Variants in TMEM132D observed in about 807,000 individuals in gnomAD.
TMEM132D encodes the protein transmembrane protein 132D, also known as mature OL transmembrane protein.
Under a neutral mutation model 62.3 loss-of-function variants are expected in TMEM132D, and 21 were observed. That is an observed-to-expected ratio of 0.34 (90% CI 0.24 to 0.49). The LOEUF (loss-of-function observed/expected upper bound fraction) is 0.49. Among genes scored for constraint, TMEM132D ranks in the 20% least tolerant of loss-of-function variants. The pLI, the probability that TMEM132D is intolerant of heterozygous loss-of-function variation, is 0.99. For missense variants in TMEM132D, 1,346 were observed against 1,402.8 expected (o/e 0.96, Z 0.65); for synonymous variants, 621 against 575.6 (o/e 1.08, Z -1.13).
chr12:129,187,608 T>A (rs1176393417), intron 5 of TMEM132D, among the ~76,000 whole-genome samples: 1 of 152,194 alleles, frequency 6.6e-6, no homozygotes, highest in Non-Finnish European at 1.5e-5. Context: ...AGCTGTGCAA[T>A]GGGAATGTGT....
chr12:129,689,460 C>G (rs1214412453), intron 2 of TMEM132D, among the ~76,000 whole-genome samples: 1 of 152,176 alleles, frequency 6.6e-6, no homozygotes, highest in Non-Finnish European at 1.5e-5. Flanking sequence ...TGAACACAAG[C>G]ATGTCATGTC....
intron 4 of TMEM132D, among the ~76,000 whole-genome samples, chr12:129,236,372 A>G (rs918220340): frequency 6.6e-6 from 1 of 151,752 alleles, no homozygotes; most frequent in Non-Finnish European, 1.5e-5. Context: ...AAAATTAGCC[A>G]GGCGTGGTGG....
intron 2 of TMEM132D, among the ~76,000 whole-genome samples, chr12:129,578,325 C>A (rs1036936771): frequency 2.0e-5 from 3 of 151,868 alleles, no homozygotes; most frequent in East Asian, 2.0e-4. Flanking sequence ...TCATATGAGA[C>A]AATTTCGTAA....
chr12:129,141,863 G>A (rs1348928173), intron 5 of TMEM132D, among the ~76,000 whole-genome samples: 1 of 151,536 alleles, frequency 6.6e-6, no homozygotes, highest in Non-Finnish European at 1.5e-5. Flanking sequence ...CTAAACCTCA[G>A]TATCATGCAA....
Position 129,155,662 on chromosome 12 carries a change from C to G in TMEM132D, c.1443+53858G>C, listed in dbSNP as rs754071887. ...GCATCTTCCTACAGCAGGGGGCAGA[C>G]GGCCAAAGGCCAAGAGCAGGTGGGA... On this transcript the variant is annotated intron_variant, in intron 5 of 8. Coordinates refer to ENST00000422113, the MANE Select transcript of TMEM132D (RefSeq NM_133448.3). Among the ~76,000 whole-genome samples, 65 of 152,182 alleles carry G rather than the reference C, an allele frequency of 4.3e-4. 1 individual carries two copies. The highest frequency in any genetic ancestry group is 1.4e-3 in the African/African-American group (57 of 41,420).
At chr12:129,251,149 G>A (rs901504783) in intron 4 of TMEM132D, among the ~76,000 whole-genome samples, 46 of 152,004 alleles carry the variant, frequency 3.0e-4, no homozygotes, top group African/African-American at 1.1e-3. Context: ...CCTGAGCTCA[G>A]GAGTTCGAGA....
chr12:129,417,863 AC>A (rs1872177089), intron 3 of TMEM132D, among the ~76,000 whole-genome samples: 1 of 152,228 alleles, frequency 6.6e-6, no homozygotes, highest in African/African-American at 2.4e-5. Flanking sequence ...CAAGAAAAAA[AC>A]AAACCCCATC....
intron 1 of TMEM132D, among the ~76,000 whole-genome samples, chr12:129,761,567 A>C (rs969965647): frequency 1.3e-5 from 2 of 152,148 alleles, no homozygotes; most frequent in African/African-American, 4.8e-5. Flanking sequence ...CTTCGCAGAC[A>C]ACGCTTCCCA....
chr12:129,444,078 A>AC (rs1274255504), intron 3 of TMEM132D, among the ~76,000 whole-genome samples: 1 of 152,122 alleles, frequency 6.6e-6, no homozygotes, highest in Non-Finnish European at 1.5e-5. Context: ...TTGAAACTGG[A>AC]CCCTTTCCTT....
intron 2 of TMEM132D, among the ~76,000 whole-genome samples, chr12:129,696,410 A>G (rs1172576720): frequency 6.6e-6 from 1 of 152,238 alleles, no homozygotes; most frequent in Non-Finnish European, 1.5e-5. Flanking sequence ...CAATTCATTC[A>G]TTCATTCAAG....
intron 1 of TMEM132D, among the ~76,000 whole-genome samples, chr12:129,837,811 C>T (rs190272778): frequency 7.2e-5 from 11 of 152,076 alleles, no homozygotes; most frequent in Admixed American, 3.3e-4. Context: ...CCGGAGCCCA[C>T]GAAATATACA....
At chr12:129,638,440 A>T (rs1395128538) in intron 2 of TMEM132D, among the ~76,000 whole-genome samples, 1 of 151,228 alleles carries the variant, frequency 6.6e-6, no homozygotes, top group East Asian at 1.9e-4. Context: ...TTAAAATTAA[A>T]TTTCCTACTT....
intron 2 of TMEM132D, among the ~76,000 whole-genome samples, chr12:129,671,467 C>T (rs1880499128): frequency 1.3e-5 from 2 of 152,162 alleles, no homozygotes; most frequent in South Asian, 4.1e-4. Flanking sequence ...ACTCTCAGAA[C>T]TCAAAACACC....
rs1186506240 is a variant in TMEM132D, at chr12:129,867,745, T to C, written c.79+35516A>G. Among the ~76,000 whole-genome samples the C allele has an allele frequency of 6.6e-6, 1 of 152,208 alleles. No individual in the cohort carries two copies. Among genetic ancestry groups the C allele is most frequent in the Non-Finnish European group, 1.5e-5 (1 of 68,032 alleles). On this transcript the variant is annotated intron_variant, in intron 1 of 8. Transcript: ENST00000422113. The surrounding 1 kb of genome is among the most constrained non-coding windows in gnomAD (Gnocchi z 4.5). ...ACATCTTCAATAGATACAATTTTTGTCAATTTTACCTCAATAAAGCTTAAA... is the reference window on the plus strand; with the variant it reads ...ACATCTTCAATAGATACAATTTTTGCCAATTTTACCTCAATAAAGCTTAAA...
intron 1 of TMEM132D, among the ~76,000 whole-genome samples, chr12:129,877,642 G>C (rs1053590566): frequency 1.3e-5 from 2 of 151,702 alleles, no homozygotes; most frequent in Non-Finnish European, 2.9e-5. Context: ...GAGAGAGAGA[G>C]AGAGAGAGAG....
chr12:129,730,863 G>A (rs1299690115), intron 1 of TMEM132D, among the ~76,000 whole-genome samples: 1 of 151,822 alleles, frequency 6.6e-6, no homozygotes, highest in Non-Finnish European at 1.5e-5. Flanking sequence ...TTGGGCTCTC[G>A]GACCTTCAAC....
chr12:129,206,349 A>C (rs996947594), intron 5 of TMEM132D, among the ~76,000 whole-genome samples: 8 of 152,262 alleles, frequency 5.3e-5, no homozygotes, highest in Non-Finnish European at 1.2e-4. Context: ...GCATATGAGA[A>C]AATGCTTAAC....
intron 3 of TMEM132D, among the ~76,000 whole-genome samples, chr12:129,454,391 G>C (rs1250538731): frequency 1.1e-4 from 17 of 152,204 alleles, no homozygotes; most frequent in Non-Finnish European, 2.5e-4. Flanking sequence ...TAATGTCAGA[G>C]AGGAAGTCAA....
chr12:129,598,599 A>G (rs1205599803), intron 2 of TMEM132D, among the ~76,000 whole-genome samples: 2 of 152,242 alleles, frequency 1.3e-5, no homozygotes. Flanking sequence ...GAAACACTAT[A>G]GAACCTAATA....
Sources: gnomAD v4.1 joint callset for allele counts (sites outside exome capture counted in the v4.1 genomes callset) on GRCh38, gnomAD v4.1.1 for gene constraint, Gnocchi (gnomAD v3.1) non-coding constraint, MANE v1.5 for transcripts, NCBI Gene and HGNC (gene_info 2026-07-23, HGNC 2026-07-21) for gene names.